Variants in VPS13B observed in about 807,000 individuals in gnomAD.
VPS13B encodes intermembrane lipid transfer protein VPS13B.
In VPS13B, 285 loss-of-function variants were observed where a neutral mutation model predicts 426.4. The observed-to-expected ratio is 0.67, with a 90% confidence interval of 0.61 to 0.74. VPS13B has a LOEUF of 0.74. Ranked by LOEUF, VPS13B falls within the 30% of genes least tolerant of loss-of-function variation. The probability of loss-of-function intolerance (pLI) is 0.00; values close to 1 mark genes in which losing one functional copy is unlikely to be tolerated. For synonymous variants in VPS13B, 1,676 were observed against 1,676.4 expected, an observed-to-expected ratio of 1.00 and a Z score of 0.01; for missense variants, 4,537 against 4,782.6, an observed-to-expected ratio of 0.95 and a Z score of 1.51.
chr8:99,139,003 A>G (rs998451832), intron 12 of VPS13B, among the ~76,000 whole-genome samples: 1 of 152,218 alleles, frequency 6.6e-6, no homozygotes, highest in Non-Finnish European at 1.5e-5. Flanking sequence ...AGAAGCCAGT[A>G]GTTTGTTAAC....
chr8:99,791,875 CA>C (rs1812554560), intron 43 of VPS13B, among the ~76,000 whole-genome samples: 1 of 152,080 alleles, frequency 6.6e-6, no homozygotes, highest in Non-Finnish European at 1.5e-5. Flanking sequence ...CACGGCAGCA[CA>C]GGGGTGGCCT....
intron 19 of VPS13B, among the ~76,000 whole-genome samples, chr8:99,275,616 T>G (rs1818857326): frequency 6.6e-6 from 1 of 152,168 alleles, no homozygotes; most frequent in South Asian, 2.1e-4. Context: ...AAATTGGTGT[T>G]TTTACCTTCT....
chr8:99,232,494 A>G (rs1217166938), intron 17 of VPS13B, among the ~76,000 whole-genome samples: 1 of 152,198 alleles, frequency 6.6e-6, no homozygotes, highest in Non-Finnish European at 1.5e-5. Context: ...AAAGTCTAGA[A>G]AAGCCTGCTT....
intron 3 of VPS13B, among the ~76,000 whole-genome samples, chr8:99,044,076 C>CTTTTTTTTTTTT (rs1843091603): frequency 9.4e-6 from 1 of 106,400 alleles, no homozygotes; most frequent in African/African-American, 3.3e-5. Context: ...TTTTTTTTTT[C>CTTTTTTTTTTTT]TTTCTTTCTT....
intron 33 of VPS13B, among the ~76,000 whole-genome samples, chr8:99,615,931 T>G (rs1828066098): frequency 6.6e-6 from 1 of 152,186 alleles, no homozygotes. Context: ...AGGCAATATA[T>G]ACATAGACAT....
At chr8:99,567,051 T>C (rs149635325) in intron 31 of VPS13B, among the ~76,000 whole-genome samples, 4 of 152,266 alleles carry the variant, frequency 2.6e-5, no homozygotes, top group African/African-American at 9.6e-5. Context: ...TGAGCCACTG[T>C]ACCCAGCCAT....
At chr8:99,320,464 G>A (rs1303342941) in intron 19 of VPS13B, among the ~76,000 whole-genome samples, 1 of 151,854 alleles carries the variant, frequency 6.6e-6, no homozygotes, top group Non-Finnish European at 1.5e-5. Flanking sequence ...GATATATTTT[G>A]TTTTCTTAGT....
At chr8:99,819,332 G>C in intron 47 of VPS13B, 80 bp from the exon 48 acceptor site, 1 of 1,499,938 alleles carries the variant, frequency 6.7e-7, no homozygotes, top group African/African-American at 1.4e-5. Context: ...TAATACATTT[G>C]TAGTTAGATA....
At chr8:99,148,776 A>G (rs1365595734) in intron 14 of VPS13B, among the ~76,000 whole-genome samples, 2 of 152,236 alleles carry the variant, frequency 1.3e-5, no homozygotes, top group African/African-American at 2.4e-5. Context: ...CCCTTGTTCT[A>G]TAGGACAACC....
chr8:99,619,476 T>C (rs1828258457), intron 33 of VPS13B, among the ~76,000 whole-genome samples: 1 of 152,224 alleles, frequency 6.6e-6, no homozygotes, highest in Admixed American at 6.5e-5. Flanking sequence ...AGTGTAAATT[T>C]TGATGTAAGA....
At chr8:99,419,723 G>A (rs748489760) in intron 21 of VPS13B, among the ~76,000 whole-genome samples, 12 of 152,152 alleles carry the variant, frequency 7.9e-5, no homozygotes, top group Non-Finnish European at 1.8e-4. Flanking sequence ...TTATAAATAG[G>A]TACCTTACAC....
Position 99,442,421 on chromosome 8 carries a change from T to C in VPS13B, c.3231T>C (p.Cys1077=), listed in dbSNP as rs777140381. ...TCTAGCTTGAAGTACAATCTTGTTG[T>C]GTGTTTATTCCAAATGATAGCCTGC... ...LTLQLEVQSC[C]VFIPNDSLPS... Residue 1077 remains cysteine, a synonymous_variant, in exon 23 of 62, where the codon TGT becomes TGC. Coordinates refer to ENST00000357162, the MANE Select transcript of VPS13B (RefSeq NM_152564.5). 1.2e-6 allele frequency: 2 copies of C among 1,613,922 alleles called. No individual in the cohort carries two copies. Among genetic ancestry groups the C allele is most frequent in the South Asian group, 1.1e-5 (1 of 91,082 alleles).
chr8:99,827,755 T>A lies in VPS13B; in HGVS notation c.9330+3777T>A, dbSNP rs769538842. On this transcript the variant is annotated intron_variant, in intron 51 of 61. Transcript: ENST00000357162. ...ATATCCCTCTAAACACTGCTTTAGC[T>A]GTGTCTCAGAGATTCTGGTATGTTG... Among the ~76,000 whole-genome samples the A allele has an allele frequency of 1.1e-3, 161 of 152,328 alleles. 1 individual carries two copies. The highest frequency in any genetic ancestry group is 5.7e-4 in the Non-Finnish European group (39 of 68,034).
At chr8:99,836,350 T>G (rs1815390664) in intron 54 of VPS13B, among the ~76,000 whole-genome samples, 1 of 152,302 alleles carries the variant, frequency 6.6e-6, no homozygotes, top group Admixed American at 6.5e-5. Flanking sequence ...TGTATAACCA[T>G]CACCACTATT....
intron 4 of VPS13B, among the ~76,000 whole-genome samples, chr8:99,099,402 G>A: frequency 6.6e-6 from 1 of 152,088 alleles, no homozygotes; most frequent in East Asian, 1.9e-4. Context: ...ATCAACCGTG[G>A]CATTTCTGAT....
chr8:99,196,429 T>C (rs545871895), intron 17 of VPS13B, among the ~76,000 whole-genome samples: 1 of 152,068 alleles, frequency 6.6e-6, no homozygotes, highest in Admixed American at 6.6e-5. Flanking sequence ...CTGAATTCAC[T>C]TATCAGTTCT....
At chr8:99,806,301 G>A (rs1288072964) in intron 43 of VPS13B, among the ~76,000 whole-genome samples, 1 of 152,196 alleles carries the variant, frequency 6.6e-6, no homozygotes, top group African/African-American at 2.4e-5. Context: ...TCCCGAGCAT[G>A]TGTACTACTT....
intron 2 of VPS13B, among the ~76,000 whole-genome samples, chr8:99,022,017 C>T (rs79236375): frequency 3.4e-4 from 51 of 151,936 alleles, no homozygotes; most frequent in East Asian, 1.9e-3. Context: ...TTTTTTTCAT[C>T]GATATTGCTA....
intron 19 of VPS13B, among the ~76,000 whole-genome samples, chr8:99,368,321 C>T (rs1031573238): frequency 1.3e-5 from 2 of 152,096 alleles, no homozygotes; most frequent in East Asian, 3.9e-4. Flanking sequence ...CTCTGGGAGT[C>T]CCCCCTACCC....
Sources: gnomAD v4.1 joint callset for allele counts (sites outside exome capture counted in the v4.1 genomes callset) on GRCh38, gnomAD v4.1.1 for gene constraint, MANE v1.5 for transcripts, NCBI Gene and HGNC (gene_info 2026-07-23, HGNC 2026-07-21) for gene names.